METTL15: variants seen among roughly 807,000 people sequenced by gnomAD.
METTL15 encodes the protein methyltransferase 15, mitochondrial 12S rRNA N4-cytidine, also known as 12S rRNA N(4)-cytidine methyltransferase METTL15.
In METTL15, 34 loss-of-function variants were observed where a neutral mutation model predicts 38.3. The observed-to-expected ratio is 0.89, with a 90% CI of 0.68 to 1.18. The LOEUF (loss-of-function observed/expected upper bound fraction) is 1.18, where lower values mean the gene tolerates loss of function less well. Among genes scored for constraint, METTL15 ranks in the 50% most tolerant of loss-of-function variants. The pLI is 0.00. For missense variants in METTL15, 438 were observed against 498.4 expected, an observed-to-expected ratio of 0.88 and a Z score of 1.15; for synonymous variants, 162 against 170.9, an observed-to-expected ratio of 0.95 and a Z score of 0.41.
At chr11:28,369,136 G>T (rs1185138792) in intron 5 of METTL15, among the ~76,000 whole-genome samples, 1 of 151,776 alleles carries the variant, frequency 6.6e-6, no homozygotes, top group Non-Finnish European at 1.5e-5. Flanking sequence ...ATGTACCCCA[G>T]AACTTAAAGC....
chr11:28,376,478 G>A (rs1026217205), intron 5 of METTL15, among the ~76,000 whole-genome samples: 16 of 152,014 alleles, frequency 1.1e-4, no homozygotes, highest in Admixed American at 3.3e-4. Context: ...TCAGAGATTA[G>A]GATTGCAACC....
intron 6 of METTL15, among the ~76,000 whole-genome samples, chr11:28,444,957 A>G (rs746261637): frequency 6.6e-6 from 1 of 152,160 alleles, no homozygotes; most frequent in Non-Finnish European, 1.5e-5. Context: ...GGCTTGCTGT[A>G]TGAGGACTGG....
At chr11:28,276,021 C>T (rs1309320039) in intron 4 of METTL15, among the ~76,000 whole-genome samples, 6 of 152,050 alleles carry the variant, frequency 3.9e-5, no homozygotes, top group Non-Finnish European at 8.8e-5. Context: ...AAAGTCTTTT[C>T]TCTAGGAACT....
At chr11:28,229,585 C>T (rs1270576474) in intron 4 of METTL15, among the ~76,000 whole-genome samples, 5 of 151,972 alleles carry the variant, frequency 3.3e-5, no homozygotes, top group Non-Finnish European at 5.9e-5. Context: ...TAAAAGATTG[C>T]AGGGAGTTGC....
At chr11:28,361,725 A>G (rs1473194973) in intron 4 of METTL15, among the ~76,000 whole-genome samples, 1 of 152,106 alleles carries the variant, frequency 6.6e-6, no homozygotes, top group Non-Finnish European at 1.5e-5. Context: ...TTAATACTTA[A>G]TATCGGTAAA....
chr11:28,236,887 C>T (rs1312753213), intron 4 of METTL15, among the ~76,000 whole-genome samples: 1 of 152,120 alleles, frequency 6.6e-6, no homozygotes, highest in East Asian at 1.9e-4. Flanking sequence ...ATATGAAATT[C>T]TGGGTTGAAA....
chr11:28,414,137 G>A (rs374968386), intron 5 of METTL15, among the ~76,000 whole-genome samples: 48 of 152,174 alleles, frequency 3.2e-4, no homozygotes, highest in African/African-American at 1.1e-3. Context: ...AAGTTAAACA[G>A]CAGCAACCAC....
rs750253486 is a variant in METTL15 at position 28,477,240 on chromosome 11, G to A, written c.*425-49238G>A. Among the ~76,000 whole-genome samples the A allele has an allele frequency of 6.6e-5, 10 of 152,208 alleles. No individual in the cohort carries two copies. The East Asian group carries it at 1.2e-3, about 18-fold the overall frequency. On this transcript the variant is annotated intron_variant and NMD_transcript_variant, in intron 6 of 7. Transcript: ENST00000532947. Reference sequence around the variant, plus strand: ...CACCCAGGCTAGAGAGCAGTGGCACGATCTTGGCTCACTGCAATCTCCGCC... The same window carrying A: ...CACCCAGGCTAGAGAGCAGTGGCACAATCTTGGCTCACTGCAATCTCCGCC...
chr11:28,236,214 T>G (rs1344318433), intron 4 of METTL15, among the ~76,000 whole-genome samples: 1 of 152,150 alleles, frequency 6.6e-6, no homozygotes, highest in East Asian at 1.9e-4. Flanking sequence ...TTTGCCAGTA[T>G]TTTATTGAGG....
At chr11:28,501,854 C>G (rs1269026256) in intron 6 of METTL15, among the ~76,000 whole-genome samples, 1 of 152,168 alleles carries the variant, frequency 6.6e-6, no homozygotes, top group Non-Finnish European at 1.5e-5. Context: ...AATCCCAGCA[C>G]TTTGGGAGAC....
intron 4 of METTL15, among the ~76,000 whole-genome samples, chr11:28,219,771 C>T (rs911168657): frequency 5.9e-5 from 9 of 152,120 alleles, no homozygotes; most frequent in Middle Eastern, 3.4e-3. Flanking sequence ...TCTTTGTTCT[C>T]GTTGGTTTCA....
intron 5 of METTL15, among the ~76,000 whole-genome samples, chr11:28,390,641 A>G (rs1056709113): frequency 1.3e-5 from 2 of 152,150 alleles, no homozygotes; most frequent in African/African-American, 2.4e-5. Context: ...GCCTTGTAGT[A>G]TAGTTTGAAG....
At chr11:28,360,797 A>T (rs993485220) in intron 4 of METTL15, among the ~76,000 whole-genome samples, 9 of 143,972 alleles carry the variant, frequency 6.3e-5, no homozygotes, top group African/African-American at 2.3e-4. Context: ...TCCCAGTGCT[A>T]TTCCTCCCCC....
intron 6 of METTL15, among the ~76,000 whole-genome samples, chr11:28,489,872 C>G (rs1391658593): frequency 6.6e-6 from 1 of 152,122 alleles, no homozygotes; most frequent in Non-Finnish European, 1.5e-5. Flanking sequence ...AATGCTAATT[C>G]TGTGAGCGCC....
intron 3 of METTL15, among the ~76,000 whole-genome samples, chr11:28,348,603 A>C (rs1483788490): frequency 6.6e-6 from 1 of 152,018 alleles, no homozygotes; most frequent in Non-Finnish European, 1.5e-5. Flanking sequence ...TTCTGGACTC[A>C]AGCTACACTC....
chr11:28,521,176 C>A (rs1851762141), intron 6 of METTL15, among the ~76,000 whole-genome samples: 1 of 152,130 alleles, frequency 6.6e-6, no homozygotes, highest in Non-Finnish European at 1.5e-5. Context: ...CCTGTACAAT[C>A]CTGATGTGGC....
At chr11:28,232,916 T>C (rs1158972680) in intron 4 of METTL15, among the ~76,000 whole-genome samples, 1 of 152,080 alleles carries the variant, frequency 6.6e-6, no homozygotes, top group African/African-American at 2.4e-5. Flanking sequence ...ACCCATTTTT[T>C]TTCTCTTATT....
chr11:28,528,160 T>C (rs185257185), downstream of METTL15, among the ~76,000 whole-genome samples: 250 of 152,374 alleles, frequency 1.6e-3, no homozygotes, highest in African/African-American at 5.8e-3. Flanking sequence ...TCTTTCTGCA[T>C]CTTTTCTCAT....
intron 3 of METTL15, among the ~76,000 whole-genome samples, chr11:28,195,590 G>T (rs11030237): frequency 2.0e-5 from 3 of 151,758 alleles, no homozygotes; most frequent in African/African-American, 7.2e-5. Flanking sequence ...TTCGAGTTCC[G>T]TGTGGATTCT....
Sources: allele counts gnomAD v4.1 joint callset (sites outside exome capture counted in the v4.1 genomes callset), GRCh38; gene constraint gnomAD v4.1.1; transcripts MANE v1.5; gene names NCBI Gene and HGNC (gene_info 2026-07-23, HGNC 2026-07-21).